ACSL4: variants seen among roughly 807,000 people sequenced by gnomAD.
The protein encoded by ACSL4 is long-chain-fatty-acid--CoA ligase 4.
ACSL4 carries 9 observed loss-of-function variants against 49.1 expected under a neutral mutation model. The ratio of observed to expected loss-of-function variants is 0.18; its 90% CI spans 0.11 to 0.32. The LOEUF is 0.32. Among genes scored for constraint, ACSL4 ranks in the 10% least tolerant of loss-of-function variants. The probability of loss-of-function intolerance (pLI) is 1.00; values close to 1 mark genes in which losing one functional copy is unlikely to be tolerated. For missense variants in ACSL4, 333 were observed against 493.7 expected (o/e 0.67, Z 3.08); for synonymous variants, 191 against 170.3 (o/e 1.12, Z -0.95).
intron 2 of ACSL4, 188 bp from the exon 3 acceptor site, chrX:109,683,563 CAAT>C: frequency 2.5e-6 from 2 of 806,013 alleles, no homozygotes; most frequent in Non-Finnish European, 3.7e-6. Flanking sequence ...CTGAAGAAGG[CAAT>C]AATAGAAGCA....
At chrX:109,700,024 A>G (rs1200781654) in intron 1 of ACSL4, among the ~76,000 whole-genome samples, 1 of 107,887 alleles carries the variant, frequency 9.3e-6, no homozygotes, top group Non-Finnish European at 1.9e-5. Context: ...CCTGACCAAC[A>G]TGGTGAAACC....
rs1603413345 is a variant in ACSL4 at position 109,729,663 on chromosome X, T to C, written c.-66+3476A>G. On this transcript the variant is annotated intron_variant, in intron 1 of 15. Coordinates refer to ENST00000672401, the MANE Select transcript of ACSL4 (RefSeq NM_001318510.2). ...TTATTCAAAATAGGCAATAAATAAA[T>C]AAATAAATAAGTAAAACAAACAAAA... 2.7e-5 allele frequency among the ~76,000 whole-genome samples: 3 copies of C among 111,514 alleles called. 1 individual carries two copies. In the Admixed American group the frequency reaches 2.9e-4, roughly 11 times the overall value.
Position 109,643,895 on chromosome X carries a change from GGTTTT to G in ACSL4, c.*129_*133del, listed in dbSNP as rs1310133268. 3 of 746,164 alleles carry G rather than the reference GGTTTT, an allele frequency of 4.0e-6. No homozygotes were observed. The highest frequency in any genetic ancestry group is 6.1e-6 in the Non-Finnish European group (3 of 494,270). The allele number at this position is 746,164 out of a possible 1,213,427, so 61.5% of individuals were successfully genotyped here. ...CCGGACAACAATTTTAATAACTTTTGGTTTTGTTTTCTTTTTACTCTATCTTTAGA... is the reference window on the plus strand; with the variant it reads ...CCGGACAACAATTTTAATAACTTTTGGTTTTCTTTTTACTCTATCTTTAGA... On this transcript the variant is annotated 3_prime_UTR_variant, in exon 16 of 16. Transcript: ENST00000672401.
At chrX:109,697,360 T>C (rs1024230306) in intron 1 of ACSL4, among the ~76,000 whole-genome samples, 1 of 111,487 alleles carries the variant, frequency 9.0e-6, no homozygotes, top group Non-Finnish European at 1.9e-5. Context: ...TTGGTTTTTT[T>C]TAGTCTAGAC....
At chrX:109,671,618 G>A (rs992107631) in intron 9 of ACSL4, among the ~76,000 whole-genome samples, 14 of 112,597 alleles carry the variant, frequency 1.2e-4, no homozygotes, top group Non-Finnish European at 2.3e-4. Context: ...TGACGATGGC[G>A]GTTTTGTCAA....
chrX:109,686,343 A>C (rs761435540), intron 2 of ACSL4, among the ~76,000 whole-genome samples: 1 of 112,397 alleles, frequency 8.9e-6, no homozygotes, highest in East Asian at 2.8e-4. Context: ...CTCTTCATCA[A>C]CATCAAAGGA....
intron 1 of ACSL4, among the ~76,000 whole-genome samples, chrX:109,706,221 C>G (rs770718937): frequency 1.8e-5 from 2 of 111,916 alleles, no homozygotes; most frequent in Non-Finnish European, 3.8e-5. Flanking sequence ...AAACAGTTCC[C>G]CCCACTCCAT....
intron 15 of ACSL4, among the ~76,000 whole-genome samples, chrX:109,649,741 C>T (rs1934928450): frequency 9.2e-6 from 1 of 109,181 alleles, no homozygotes; most frequent in Admixed American, 9.8e-5. Context: ...GAACAGGCAA[C>T]CTACAAAATG....
intron 9 of ACSL4, among the ~76,000 whole-genome samples, chrX:109,671,396 C>T (rs1179835927): frequency 2.7e-5 from 3 of 111,555 alleles, no homozygotes; most frequent in African/African-American, 3.3e-5. Context: ...CGGCCAGCCG[C>T]CCCGCCCGGG....
chrX:109,645,992 G>A (rs757203815), intron 15 of ACSL4, among the ~76,000 whole-genome samples: 118 of 111,724 alleles, frequency 1.1e-3, no homozygotes, highest in African/African-American at 3.6e-3. Context: ...AAAGAAACGA[G>A]CAAAGCCTCC....
At chrX:109,647,173 C>T (rs911896145) in intron 15 of ACSL4, among the ~76,000 whole-genome samples, 1 of 111,146 alleles carries the variant, frequency 9.0e-6, no homozygotes, top group African/African-American at 3.3e-5. Context: ...CCAAGTGGAC[C>T]TAATAGACAT....
At chrX:109,708,826 A>G (rs1386368171) in intron 1 of ACSL4, among the ~76,000 whole-genome samples, 1 of 112,189 alleles carries the variant, frequency 8.9e-6, no homozygotes, top group Non-Finnish European at 1.9e-5. Flanking sequence ...TCAACCAGTC[A>G]GTATATAATG....
At position 109,645,738 on chromosome X, in the gene ACSL4, C is replaced by A. The variant is rs763585324; in HGVS notation, c.1856-1552G>T. On this transcript the variant is annotated intron_variant, in intron 15 of 15. Transcript: ENST00000672401. ...CAAATTACTCCGAGCTACGGGAGGA[C>A]ATTCAAACCAAAGGCAAAGAAGTTG... is the stretch of plus-strand genomic sequence containing the variant. 6.1e-3 allele frequency among the ~76,000 whole-genome samples: 682 copies of A among 111,660 alleles called. 4 individuals carry two copies. The highest frequency in any genetic ancestry group is 0.01 in the Non-Finnish European group (543 of 53,021).
At chrX:109,674,497 T>C in intron 8 of ACSL4, 24 bp from the exon 9 acceptor site, 1 of 1,097,547 alleles carries the variant, frequency 9.1e-7, no homozygotes, top group Non-Finnish European at 1.3e-6. Context: ...AAAATAAATA[T>C]GATCAGGAAA....
intron 2 of ACSL4, chrX:109,683,745 TAAC>T (rs994959752): frequency 1.6e-5 from 5 of 321,417 alleles, no homozygotes; most frequent in South Asian, 1.3e-4. Flanking sequence ...AAAAGAATAT[TAAC>T]AAGTTGATAG....
chrX:109,660,183 A>G (rs774397580), intron 14 of ACSL4, among the ~76,000 whole-genome samples: 1 of 111,546 alleles, frequency 9.0e-6, no homozygotes, highest in South Asian at 3.7e-4. Flanking sequence ...AAAATTTGCA[A>G]ATCATATATC....
At chrX:109,713,060 G>GAGGGATGA (rs1198104360) in intron 1 of ACSL4, among the ~76,000 whole-genome samples, 4 of 107,466 alleles carry the variant, frequency 3.7e-5, no homozygotes, top group African/African-American at 1.4e-4. Context: ...GGGAGGGAAG[G>GAGGGATGA]AGGGATGAAG....
chrX:109,655,250 G>A lies in ACSL4; in HGVS notation c.1855+4104C>T, dbSNP rs756057760. On this transcript the variant is annotated intron_variant, in intron 15 of 15. Transcript: ENST00000672401. ...CTTGGAGGTAAAAGAGACAATAACA[G>A]GAGAAGAAAACTACATAAAAAGGAT... 5.4e-5 allele frequency among the ~76,000 whole-genome samples: 6 copies of A among 111,213 alleles called. No individual in the cohort carries two copies. The East Asian group carries it at 1.7e-3, about 31-fold the overall frequency.
At chrX:109,671,462 C>G (rs547945801) in intron 9 of ACSL4, among the ~76,000 whole-genome samples, 1 of 108,287 alleles carries the variant, frequency 9.2e-6, no homozygotes. Context: ...TGGGGGGCAG[C>G]CCCCGCCCGA....
Sources: gnomAD v4.1 joint callset for allele counts (sites outside exome capture counted in the v4.1 genomes callset) on GRCh38, gnomAD v4.1.1 for gene constraint, MANE v1.5 for transcripts, NCBI Gene and HGNC (gene_info 2026-07-23, HGNC 2026-07-21) for gene names.